The following NBPF14 variants were observed in gnomAD, a reference collection of about 807,000 sequenced individuals.
NBPF14 encodes the protein NBPF member 14, also known as NBPF family member NBPF14.
Under a neutral mutation model 91.2 loss-of-function variants are expected in NBPF14, and 104 were observed. The ratio of observed to expected loss-of-function variants is 1.14; its 90% CI spans 0.97 to 1.34. The LOEUF is 1.34. Ranked by LOEUF, NBPF14 falls within the 40% of genes most tolerant of loss-of-function variation. The pLI is 0.00. For missense variants in NBPF14, 908 were observed against 783.0 expected (o/e 1.16, Z -1.91); for synonymous variants, 294 against 303.8 (o/e 0.97, Z 0.34).
chr1:148,534,460 G>A (rs1274481208), intron 69 of NBPF14, among the ~76,000 whole-genome samples: 49 of 151,800 alleles, frequency 3.2e-4, no homozygotes, highest in East Asian at 1.9e-4. Flanking sequence ...GGATCAGGGC[G>A]CCACAGGTAT....
rs1344407106 is a variant in NBPF14 at position 148,534,167 on chromosome 1, A to G, written c.8615-198T>C. Among the ~76,000 whole-genome samples the G allele has an allele frequency of 5.8e-4, 87 of 148,778 alleles. 1 individual carries two copies. Among genetic ancestry groups the G allele is most frequent in the Middle Eastern group, 3.4e-3 (1 of 292 alleles). On this transcript the variant is annotated intron_variant, in intron 69 of 70. Coordinates refer to ENST00000619423, the Ensembl canonical transcript of NBPF14. Reference sequence around the variant, plus strand: ...TTTTCTCCCAGAAACTGTGGGTAAAATGTCCCTATTCTAGTAGATCGTTAT... The same window carrying G: ...TTTTCTCCCAGAAACTGTGGGTAAAGTGTCCCTATTCTAGTAGATCGTTAT...
At chr1:148,560,299 A>G (rs1657597217) in intron 36 of NBPF14, among the ~76,000 whole-genome samples, 2 of 136,930 alleles carry the variant, frequency 1.5e-5, no homozygotes. Flanking sequence ...GTGATCATGA[A>G]AAGAGTGAGC....
chr1:148,576,646 GA>G (rs1429624639), intron 15 of NBPF14, among the ~76,000 whole-genome samples, 185 bp from the exon 16 acceptor site: 10 of 69,246 alleles, frequency 1.4e-4, no homozygotes, highest in African/African-American at 4.8e-4. Flanking sequence ...TTTTGTCCCA[GA>G]AACTGTGGGT....
chr1:148,584,200 C>T (rs1214551976), intron 11 of NBPF14, among the ~76,000 whole-genome samples: 1,521 of 146,100 alleles, frequency 0.01, no homozygotes, highest in African/African-American at 0.041. Context: ...TGAATCGAAG[C>T]TAGGAGGCCT....
intron 17 of NBPF14, 70 bp downstream of exon 17, chr1:148,575,569 T>G: frequency 8.8e-6 from 1 of 114,084 alleles, no homozygotes; most frequent in South Asian, 4.8e-5. Context: ...AAGGGGCACT[T>G]GGAACAGGAA....
chr1:148,572,724 A>C, intron 20 of NBPF14, 109 bp from the exon 21 acceptor site: 1 of 621,734 alleles, frequency 1.6e-6, no homozygotes, highest in Admixed American at 2.3e-5. Flanking sequence ...GAAAAAGGAC[A>C]GATCCATTAA....
At chr1:148,594,025 C>G (rs1662919217) in intron 2 of NBPF14, among the ~76,000 whole-genome samples, 3 of 148,900 alleles carry the variant, frequency 2.0e-5, no homozygotes, top group South Asian at 4.4e-4. Context: ...CTTGCAGCCT[C>G]TCCTCTAAAA....
chr1:148,593,440 T>A (rs1285302758), intron 3 of NBPF14, among the ~76,000 whole-genome samples, 158 bp downstream of exon 3: 1 of 147,698 alleles, frequency 6.8e-6, no homozygotes, highest in Non-Finnish European at 1.5e-5. Context: ...CTTATTATTA[T>A]CCTTGTTCTC....
chr1:148,557,560 AG>A lies in NBPF14; in HGVS notation c.4955-19del. ...TTTAAATCCTGCAATACATTCAGACAGGGACAGACAAAATAAGCCAATTCAC... is the reference window on the plus strand; with the variant it reads ...TTTAAATCCTGCAATACATTCAGACAGGACAGACAAAATAAGCCAATTCAC... On this transcript the variant is annotated intron_variant, in intron 39 of 70. Transcript: ENST00000619423. 2 of 839,226 alleles carry A rather than the reference AG, an allele frequency of 2.4e-6. 1 individual carries two copies. Among genetic ancestry groups the A allele is most frequent in the African/African-American group, 5.2e-5 (2 of 38,164 alleles). The allele number at this position is 839,226 out of a possible 1,614,324, so 52.0% of individuals were successfully genotyped here.
intron 2 of NBPF14, among the ~76,000 whole-genome samples, chr1:148,595,319 G>A (rs1273339487): frequency 1.3e-5 from 2 of 148,270 alleles, no homozygotes; most frequent in African/African-American, 5.0e-5. Flanking sequence ...ATAACTGTGA[G>A]TTTAACTCTA....
chr1:148,534,941 G>A (rs1252961813), intron 68 of NBPF14, 85 bp from the exon 69 acceptor site: 2 of 746,862 alleles, frequency 2.7e-6, no homozygotes, highest in African/African-American at 2.0e-5. Flanking sequence ...CTAACATAAG[G>A]AACAGTTTAA....
chr1:148,586,965 C>G (rs1219917053), intron 8 of NBPF14, among the ~76,000 whole-genome samples: 12 of 145,722 alleles, frequency 8.2e-5, no homozygotes, highest in Non-Finnish European at 1.1e-4. Context: ...GGAGGTGATT[C>G]TCACTAAGGG....
rs1224141044 is a variant in NBPF14, at chr1:148,559,809, C to A, written c.4713G>T (p.Leu1571Phe). The A allele has an allele frequency of 9.3e-6, 14 of 1,509,356 alleles. 1 individual carries two copies. The highest frequency in any genetic ancestry group is 5.4e-5 in the Admixed American group (3 of 55,108). 93.5% of individuals were successfully genotyped at this position (1,509,356 alleles called of 1,614,324 possible). A position where few individuals can be genotyped will look rare whatever the true frequency, so the allele number is the denominator to read the frequency against. ...GGTACTCACCATCCATGTCAACAGC[C>A]AAGCCAACACGCTGCTGCTCCAATA... The change falls in exon 37 of 71, where the codon TTG (leucine) becomes TTT (phenylalanine). Residue 1571 changes from leucine (L) to phenylalanine (F), a missense_variant. Coordinates refer to ENST00000619423, the Ensembl canonical transcript of NBPF14.
chr1:148,594,807 T>C (rs1663045135), intron 2 of NBPF14, among the ~76,000 whole-genome samples: 1 of 85,378 alleles, frequency 1.2e-5, no homozygotes, highest in Admixed American at 1.0e-4. Flanking sequence ...AAAGGATTCT[T>C]CTGCCTCAGC....
In NBPF14 at chr1:148,561,818, C is replaced by CAGAGAG. The variant is rs1192573908; in HGVS notation, c.4275-245_4275-240dup. Reference sequence around the variant, plus strand: ...ACACACACAAACACACACACACACACAGAGAGAGAGAGAGAGAGAGAGAGA... The same window carrying CAGAGAG: ...ACACACACAAACACACACACACACACAGAGAGAGAGAGAGAGAGAGAGAGAGAGAGA... On this transcript the variant is annotated intron_variant, in intron 34 of 70. Coordinates refer to ENST00000619423, the Ensembl canonical transcript of NBPF14. Among the ~76,000 whole-genome samples the CAGAGAG allele has an allele frequency of 3.7e-4, 47 of 128,714 alleles. 2 individuals are homozygous for CAGAGAG. The highest frequency in any genetic ancestry group is 1.2e-3 in the African/African-American group (31 of 24,960). The allele number at this position is 128,714 out of a possible 152,430, so 84.4% of individuals were successfully genotyped here.
chr1:148,579,788 C>T (rs1306694639), intron 12 of NBPF14, among the ~76,000 whole-genome samples: 2 of 152,150 alleles, frequency 1.3e-5, no homozygotes, highest in Admixed American at 6.5e-5. Flanking sequence ...TAGGCAACAC[C>T]AAGAAATCCC....
At chr1:148,566,519 AC>A in intron 28 of NBPF14, among the ~76,000 whole-genome samples, 2 of 129,768 alleles carry the variant, frequency 1.5e-5, no homozygotes, top group South Asian at 2.4e-4. Context: ...ACACACACAC[AC>A]ACACACACAC....
Position 148,553,417 on chromosome 1 carries a change from G to A in NBPF14, c.5686+123C>T. On this transcript the variant is annotated intron_variant, in intron 45 of 70. Transcript: ENST00000619423. ...TACAGTTTCATTACAACCTATATGC[G>A]CCCATAGGTCCTGCCTGCAGCAATG... 3 of 147,358 alleles carry A rather than the reference G, an allele frequency of 2.0e-5. 1 individual carries two copies. The highest frequency in any genetic ancestry group is 1.3e-4 in the South Asian group (2 of 15,458). 9.1% of individuals were successfully genotyped at this position (147,358 alleles called of 1,614,324 possible).
exon 69 of NBPF14, chr1:148,534,767 T>A: frequency 2.4e-6 from 2 of 831,894 alleles, no homozygotes; most frequent in African/African-American, 1.8e-5. Context: ...GTCAGGCAGT[T>A]CAAGATAACC....
Sources: allele counts gnomAD v4.1 joint callset (sites outside exome capture counted in the v4.1 genomes callset), GRCh38; gene constraint gnomAD v4.1.1; transcripts MANE v1.5; gene names NCBI Gene and HGNC (gene_info 2026-07-23, HGNC 2026-07-21).